Variants in ZNF740 observed in about 807,000 individuals in gnomAD.
The protein encoded by ZNF740 is oriLyt TD-element-binding protein 7.
A neutral mutation model predicts 24.8 loss-of-function variants in ZNF740; 14 were observed. That is an observed-to-expected ratio of 0.56 (90% CI 0.37 to 0.88). The LOEUF is 0.88. Among genes scored for constraint, ZNF740 ranks in the 40% least tolerant of loss-of-function variants. The pLI is 0.00. For missense variants in ZNF740, 201 were observed against 247.9 expected (o/e 0.81, Z 1.27); for synonymous variants, 69 against 84.0 (o/e 0.82, Z 0.98).
chr12:53,187,373 GCTCCTGCTGT>G (rs1941843853), intron 6 of ZNF740, 118 bp from the exon 7 acceptor site: 2 of 742,564 alleles, frequency 2.7e-6, no homozygotes, highest in Admixed American at 4.2e-5. Flanking sequence ...ACCACCGTGT[GCTCCTGCTGT>G]CTGTGCACGT....
At chr12:53,185,296 T>C in intron 3 of ZNF740, 91 bp from the exon 4 acceptor site, 17 of 1,399,100 alleles carry the variant, frequency 1.2e-5, no homozygotes, top group Non-Finnish European at 1.6e-5. Flanking sequence ...GGTGGTTTAC[T>C]CTCATTTATG....
intron 2 of ZNF740, among the ~76,000 whole-genome samples, chr12:53,182,893 G>A (rs78577511): frequency 0.028 from 4,211 of 152,234 alleles, 186 homozygotes; most frequent in African/African-American, 0.096. Context: ...TCATTATTGT[G>A]GAGGTAGAGG....
In ZNF740 at chr12:53,193,595, G is replaced by T; in HGVS notation, c.*6005G>T. Reference sequence around the variant, plus strand: ...TTCAAGGGATGAAACTGAGTGGGGAGTCGGGATGTCGAGGAGACTCCTGTG... The same window carrying T: ...TTCAAGGGATGAAACTGAGTGGGGATTCGGGATGTCGAGGAGACTCCTGTG... On this transcript the variant is annotated 3_prime_UTR_variant, in exon 7 of 7. Transcript: ENST00000416904. 1 of 959,976 alleles carries T rather than the reference G, an allele frequency of 1.0e-6. No homozygotes were observed. The highest frequency in any genetic ancestry group is 1.5e-6 in the Non-Finnish European group (1 of 650,380). The allele number at this position is 959,976 out of a possible 1,614,324, so 59.5% of individuals were successfully genotyped here.
rs572964908 is a variant in ZNF740 at position 53,190,686 on chromosome 12, T to A, written c.*3096T>A. ...CTCTCCACCCTGTTTTTTGTTTTTT[T>A]TTTTTTTAAATAATATTTTGCTATG... On this transcript the variant is annotated 3_prime_UTR_variant, in exon 7 of 7. Transcript: ENST00000416904. The A allele has an allele frequency of 6.6e-6, 1 of 152,120 alleles. No homozygotes were observed. The highest frequency in any genetic ancestry group is 2.4e-5 in the African/African-American group (1 of 41,364). 9.4% of individuals were successfully genotyped at this position (152,120 alleles called of 1,614,324 possible).
chr12:53,194,169 G>A lies in ZNF740; in HGVS notation c.*6579G>A, dbSNP rs749769223. 18 of 1,612,510 alleles carry A rather than the reference G, an allele frequency of 1.1e-5. No homozygotes were observed. The highest frequency in any genetic ancestry group is 4.5e-5 in the East Asian group (2 of 44,848). On this transcript the variant is annotated 3_prime_UTR_variant, in exon 7 of 7. Coordinates refer to ENST00000416904, the MANE Select transcript of ZNF740 (RefSeq NM_001004304.4). ...TTCCCACTCCCACCTCCCCCTGCCC[G>A]CCTTCTGCCTGTGCTTGCTGGCTCT... is the stretch of plus-strand genomic sequence containing the variant.
In ZNF740 at chr12:53,191,475, T is replaced by C. The variant is rs538938979; in HGVS notation, c.*3885T>C. 8.7e-7 allele frequency: 1 copy of C among 1,149,990 alleles called. No homozygotes were observed. The highest frequency in any genetic ancestry group is 2.3e-5 in the East Asian group (1 of 42,696). The allele number at this position is 1,149,990 out of a possible 1,614,324, so 71.2% of individuals were successfully genotyped here. ...GTGAATTAGTCCCCTACCAAGGTCT[T>C]ACAGACCCACCCTTCCTCTCACCCT... On this transcript the variant is annotated 3_prime_UTR_variant, in exon 7 of 7. Transcript: ENST00000416904.
chr12:53,191,466 C>G lies in ZNF740; in HGVS notation c.*3876C>G. ...ACCTCGCCAGTGAATTAGTCCCCTA[C>G]CAAGGTCTTACAGACCCACCCTTCC... On this transcript the variant is annotated 3_prime_UTR_variant, in exon 7 of 7. Coordinates refer to ENST00000416904, the MANE Select transcript of ZNF740 (RefSeq NM_001004304.4). 9.8e-7 allele frequency: 1 copy of G among 1,020,504 alleles called. No homozygotes were observed. Among genetic ancestry groups the G allele is most frequent in the Admixed American group, 1.7e-5 (1 of 59,018 alleles). The allele number at this position is 1,020,504 out of a possible 1,614,324, so 63.2% of individuals were successfully genotyped here. A position where few individuals can be genotyped will look rare whatever the true frequency, so the allele number is the denominator to read the frequency against.
chr12:53,181,389 A>G (rs1183054098), intron 1 of ZNF740: 2 of 985,310 alleles, frequency 2.0e-6, no homozygotes, highest in Non-Finnish European at 2.4e-6. Flanking sequence ...CAAAAGCCCC[A>G]AAGGGTCTCC....
intron 2 of ZNF740, among the ~76,000 whole-genome samples, chr12:53,184,155 G>GCGCGCGCA (rs1941773080): frequency 2.4e-5 from 3 of 126,928 alleles, no homozygotes; most frequent in African/African-American, 1.1e-4. Context: ...GTGTGTGCGC[G>GCGCGCGCA]CGCGCGCTCT....
intron 6 of ZNF740, among the ~76,000 whole-genome samples, chr12:53,187,260 C>G (rs965956392): frequency 6.6e-6 from 1 of 152,168 alleles, no homozygotes; most frequent in East Asian, 1.9e-4. Context: ...GATGAGTATG[C>G]AGATTCTGGG....
intron 5 of ZNF740, 59 bp downstream of exon 5, chr12:53,186,136 CTGTT>C (rs1941816369): frequency 1.4e-5 from 22 of 1,571,990 alleles, no homozygotes; most frequent in Non-Finnish European, 1.9e-5. Flanking sequence ...TATTCCATGT[CTGTT>C]TGTGGCTCTA....
In ZNF740 at chr12:53,194,567, G is replaced by T; in HGVS notation, c.*6977G>T. On this transcript the variant is annotated 3_prime_UTR_variant, in exon 7 of 7. Coordinates refer to ENST00000416904, the MANE Select transcript of ZNF740 (RefSeq NM_001004304.4). ...GCCTCTAATACAGCATTTCAGTGCA[G>T]CTGCCAGCAAGGGCCACTGAGGGTC... 2.0e-6 allele frequency: 1 copy of T among 489,714 alleles called. No individual in the cohort carries two copies. The allele number at this position is 489,714 out of a possible 1,614,324, so 30.3% of individuals were successfully genotyped here.
chr12:53,193,842 C>T lies in ZNF740; in HGVS notation c.*6252C>T, dbSNP rs369021637. The T allele has an allele frequency of 6.2e-6, 10 of 1,613,922 alleles. No individual in the cohort carries two copies. The African/African-American group carries it at 9.4e-5, about 15-fold the overall frequency. On this transcript the variant is annotated 3_prime_UTR_variant, in exon 7 of 7. Coordinates refer to ENST00000416904, the MANE Select transcript of ZNF740 (RefSeq NM_001004304.4). ...CCTCTGAGAAGCCAAGGGCCCGGAG[C>T]CTCAGGAGATGGGGCTCTGGGAGGC... is the stretch of plus-strand genomic sequence containing the variant.
At position 53,191,321 on chromosome 12, in the gene ZNF740, G is replaced by A; in HGVS notation, c.*3731G>A. ...TGAGGTAAAGCAAAGTGACAGCTGT[G>A]GTCTGAGGTAAGACTTTATTGTATA... On this transcript the variant is annotated 3_prime_UTR_variant, in exon 7 of 7. Coordinates refer to ENST00000416904, the MANE Select transcript of ZNF740 (RefSeq NM_001004304.4). The A allele has an allele frequency of 1.8e-6, 1 of 542,362 alleles. No individual in the cohort carries two copies. The highest frequency in any genetic ancestry group is 3.3e-6 in the Non-Finnish European group (1 of 299,668). 33.6% of individuals were successfully genotyped at this position (542,362 alleles called of 1,614,324 possible). A position where few individuals can be genotyped will look rare whatever the true frequency, so the allele number is the denominator to read the frequency against.
chr12:53,194,141 A>G lies in ZNF740; in HGVS notation c.*6551A>G. The G allele has an allele frequency of 6.2e-7, 1 of 1,608,530 alleles. No homozygotes were observed. The highest frequency in any genetic ancestry group is 1.1e-5 in the South Asian group (1 of 90,562). ...GCCACCCATCTTTTCCTGCCTGCTT[A>G]ATTTCCCACTCCCACCTCCCCCTGC... On this transcript the variant is annotated 3_prime_UTR_variant, in exon 7 of 7. Coordinates refer to ENST00000416904, the MANE Select transcript of ZNF740 (RefSeq NM_001004304.4).
In ZNF740 at chr12:53,189,247, T is replaced by G. The variant is rs1040854796; in HGVS notation, c.*1657T>G. 1.3e-5 allele frequency: 2 copies of G among 152,048 alleles called. No homozygotes were observed. Among genetic ancestry groups the G allele is most frequent in the African/African-American group, 4.8e-5 (2 of 41,392 alleles). 9.4% of individuals were successfully genotyped at this position (152,048 alleles called of 1,614,324 possible). ...TAAAGAAAGAATCCTTATGGGAAGT[T>G]TTGGGGTTTGGTTGACCCCCACTGT... is the stretch of plus-strand genomic sequence containing the variant. On this transcript the variant is annotated 3_prime_UTR_variant, in exon 7 of 7. Coordinates refer to ENST00000416904, the MANE Select transcript of ZNF740 (RefSeq NM_001004304.4).
rs1232327155 is a variant in ZNF740 at position 53,181,932 on chromosome 12, G to A, written c.-52G>A. On this transcript the variant is annotated 5_prime_UTR_variant, in exon 2 of 7. Coordinates refer to ENST00000416904, the MANE Select transcript of ZNF740 (RefSeq NM_001004304.4). ...TCAAAACGACAGTGTCTCAAGGAAA[G>A]GTGGACCTAGGAACTCCTGAACTTT... 2 of 1,593,460 alleles carry A rather than the reference G, an allele frequency of 1.3e-6. No individual in the cohort carries two copies. Among genetic ancestry groups the A allele is most frequent in the African/African-American group, 1.3e-5 (1 of 74,612 alleles).
intron 2 of ZNF740, among the ~76,000 whole-genome samples, chr12:53,182,964 T>G (rs1592384311): frequency 1.3e-5 from 2 of 152,328 alleles, no homozygotes; most frequent in South Asian, 4.1e-4. Flanking sequence ...AGAATAGCTA[T>G]GTGCACACAT....
In ZNF740 at chr12:53,191,664, C is replaced by A; in HGVS notation, c.*4074C>A. On this transcript the variant is annotated 3_prime_UTR_variant, in exon 7 of 7. Coordinates refer to ENST00000416904, the MANE Select transcript of ZNF740 (RefSeq NM_001004304.4). ...GGAGAAAGATGTTGCAGATTATAAG[C>A]AAAAATCCCAGGATTCCTCGTCCCC... is the stretch of plus-strand genomic sequence containing the variant. 1 of 1,597,270 alleles carries A rather than the reference C, an allele frequency of 6.3e-7. No homozygotes were observed. Among genetic ancestry groups the A allele is most frequent in the Non-Finnish European group, 8.6e-7 (1 of 1,164,742 alleles).
Sources: allele counts gnomAD v4.1 joint callset (sites outside exome capture counted in the v4.1 genomes callset), GRCh38; gene constraint gnomAD v4.1.1; transcripts MANE v1.5; gene names NCBI Gene and HGNC (gene_info 2026-07-23, HGNC 2026-07-21).